POLA1: variants seen among roughly 807,000 people sequenced by gnomAD.
POLA1 encodes DNA polymerase alpha 1, catalytic subunit.
In POLA1, 15 loss-of-function variants were observed where a neutral mutation model predicts 124.0. The observed-to-expected ratio is 0.12, with a 90% confidence interval of 0.08 to 0.19. The LOEUF (loss-of-function observed/expected upper bound fraction) is 0.19, where lower values mean the gene tolerates loss of function less well. POLA1 is among the 10% of genes least tolerant of loss of function. The probability of loss-of-function intolerance (pLI) is 1.00; values close to 1 mark genes in which losing one functional copy is unlikely to be tolerated. For synonymous variants in POLA1, 408 were observed against 389.4 expected (o/e 1.05, Z -0.56); for missense variants, 886 against 1,103.4 (o/e 0.80, Z 2.79).
chrX:24,992,081 A>G (rs977396998), intron 36 of POLA1, among the ~76,000 whole-genome samples: 1 of 112,027 alleles, frequency 8.9e-6, no homozygotes, highest in Non-Finnish European at 1.9e-5. Flanking sequence ...AGTTTAAAAT[A>G]TGGATGTCAC....
chrX:24,820,840 G>A (rs761148542), intron 30 of POLA1, among the ~76,000 whole-genome samples: 7 of 111,127 alleles, frequency 6.3e-5, no homozygotes, highest in Non-Finnish European at 1.1e-4. Flanking sequence ...ATTACAGATG[G>A]AGTGAAATAA....
Position 24,703,657 on chromosome X carries a change from C to G in POLA1, c.265+310C>G, listed in dbSNP as rs780897593. ...TTGTCTGTGGGGCCAATGCACAGCG[C>G]TTGGAATTAAGGAATGCAGGTTCGG... is the stretch of plus-strand genomic sequence containing the variant. On this transcript the variant is annotated intron_variant, in intron 3 of 36. Coordinates refer to ENST00000379068, the MANE Select transcript of POLA1 (RefSeq NM_001330360.2). Among the ~76,000 whole-genome samples, 297 of 111,852 alleles carry G rather than the reference C, an allele frequency of 2.7e-3. 4 individuals are homozygous for G. The highest frequency in any genetic ancestry group is 0.023 in the Admixed American group (245 of 10,564).
chrX:24,865,398 C>T (rs1036316689), intron 34 of POLA1, among the ~76,000 whole-genome samples: 2 of 111,994 alleles, frequency 1.8e-5, no homozygotes, highest in Admixed American at 1.9e-4. Flanking sequence ...AGGCTGTTTA[C>T]TTGAGACAAG....
chrX:24,904,770 A>G (rs2047336131), intron 35 of POLA1, among the ~76,000 whole-genome samples: 1 of 111,663 alleles, frequency 9.0e-6, no homozygotes, highest in Non-Finnish European at 1.9e-5. Flanking sequence ...CATGCCTGTA[A>G]TCCCAGCACT....
chrX:24,822,171 A>G (rs1168943404), intron 31 of POLA1, among the ~76,000 whole-genome samples: 1 of 110,942 alleles, frequency 9.0e-6, no homozygotes. Context: ...TGATAATAGC[A>G]TGCCTATAAT....
At chrX:24,831,617 C>T (rs997391404) in intron 32 of POLA1, among the ~76,000 whole-genome samples, 3 of 110,739 alleles carry the variant, frequency 2.7e-5, no homozygotes, top group Non-Finnish European at 5.7e-5. Flanking sequence ...GACGGGGTTT[C>T]ACCATGTTGG....
rs183080900 is a variant in POLA1 at position 24,922,386 on chromosome X, C to T, written c.4165-8067C>T. 3.6e-5 allele frequency among the ~76,000 whole-genome samples: 4 copies of T among 110,688 alleles called. No individual in the cohort carries two copies. In the East Asian group the frequency reaches 1.1e-3, roughly 31 times the overall value. On this transcript the variant is annotated intron_variant, in intron 35 of 36. Transcript: ENST00000379068. ...AGGCTTGAGCCACTGTTCCTGGCCC[C>T]ATTTTTTCCAAATAAGATTTCATGC... is the stretch of plus-strand genomic sequence containing the variant.
intron 35 of POLA1, among the ~76,000 whole-genome samples, chrX:24,889,865 T>C (rs945132482): frequency 1.8e-5 from 2 of 111,456 alleles, no homozygotes; most frequent in Non-Finnish European, 3.8e-5. Context: ...AAATATTTTA[T>C]TTTAAAATAA....
intron 34 of POLA1, among the ~76,000 whole-genome samples, chrX:24,860,826 A>G (rs1171967360): frequency 8.9e-6 from 1 of 112,131 alleles, no homozygotes; most frequent in Non-Finnish European, 1.9e-5. Context: ...CAAACAGATA[A>G]CAAACCAAAA....
intron 28 of POLA1, among the ~76,000 whole-genome samples, chrX:24,812,191 T>C (rs2045913525): frequency 1.8e-5 from 2 of 112,636 alleles, no homozygotes; most frequent in South Asian, 3.7e-4. Context: ...TGTTTGCTTA[T>C]AGTCAAGGTG....
chrX:24,970,879 A>C (rs1008077116), intron 36 of POLA1, among the ~76,000 whole-genome samples: 2 of 111,833 alleles, frequency 1.8e-5, no homozygotes, highest in Non-Finnish European at 3.8e-5. Flanking sequence ...AACCTGCCCA[A>C]GAGGGGCCCT....
intron 35 of POLA1, among the ~76,000 whole-genome samples, chrX:24,907,627 G>A (rs979531351): frequency 3.6e-5 from 4 of 111,836 alleles, no homozygotes; most frequent in African/African-American, 1.3e-4. Context: ...TCTATGTCCA[G>A]CAAAAAATAC....
chrX:24,708,984 T>A (rs759761454), intron 4 of POLA1, among the ~76,000 whole-genome samples: 4,708 of 48,365 alleles, frequency 0.097, no homozygotes, highest in African/African-American at 0.22. Context: ...GCCCCTCACC[T>A]CCCGGACGGG....
chrX:24,857,915 A>G (rs1451620464), intron 34 of POLA1, among the ~76,000 whole-genome samples: 3 of 111,708 alleles, frequency 2.7e-5, no homozygotes, highest in Non-Finnish European at 5.6e-5. Context: ...AAACCCTTTA[A>G]AAATACATGT....
At chrX:24,935,193 C>T (rs1407421384) in intron 36 of POLA1, among the ~76,000 whole-genome samples, 1 of 112,211 alleles carries the variant, frequency 8.9e-6, no homozygotes, top group Non-Finnish European at 1.9e-5. Context: ...CAGTCCACTC[C>T]AGATACAGTC....
rs765398436 is a variant in POLA1, at chrX:24,894,971, G to A, written c.4164+6849G>A. Reference sequence around the variant, plus strand: ...ATATTTTTTGTAGAAACTGGGCTTTGCCATGTTGCCCAGGCAGGTCTTGAA... The same window carrying A: ...ATATTTTTTGTAGAAACTGGGCTTTACCATGTTGCCCAGGCAGGTCTTGAA... On this transcript the variant is annotated intron_variant, in intron 35 of 36. Transcript: ENST00000379068. Among the ~76,000 whole-genome samples, 7 of 109,916 alleles carry A rather than the reference G, an allele frequency of 6.4e-5. No individual in the cohort carries two copies. In the East Asian group the frequency reaches 1.7e-3, roughly 27 times the overall value.
chrX:24,733,871 G>C (rs1264793051), intron 17 of POLA1, 55 bp downstream of exon 17: 64 of 643,219 alleles, frequency 9.9e-5, no homozygotes, highest in Admixed American at 1.1e-4. Flanking sequence ...AAGAAAAGGG[G>C]GGTGGTATGG....
At chrX:24,728,257 GTTTA>G (rs1930665661) in intron 15 of POLA1, among the ~76,000 whole-genome samples, 1 of 112,191 alleles carries the variant, frequency 8.9e-6, no homozygotes, top group African/African-American at 3.2e-5. Flanking sequence ...TGTTACACTT[GTTTA>G]TTTCCCTCCT....
chrX:24,811,576 C>T (rs553839104), intron 28 of POLA1, among the ~76,000 whole-genome samples: 5 of 111,149 alleles, frequency 4.5e-5, no homozygotes, highest in African/African-American at 1.6e-4. Flanking sequence ...CATGAGCCAC[C>T]GCGCCTGGCC....
Sources: allele counts gnomAD v4.1 joint callset (sites outside exome capture counted in the v4.1 genomes callset), GRCh38; gene constraint gnomAD v4.1.1; transcripts MANE v1.5; gene names NCBI Gene and HGNC (gene_info 2026-07-23, HGNC 2026-07-21).